Variants in LRCH3 observed in about 807,000 individuals in gnomAD.
LRCH3 encodes DISP complex protein LRCH3.
In LRCH3, 68 loss-of-function variants were observed where a neutral mutation model predicts 104.5. That is an observed-to-expected ratio of 0.65 (90% CI 0.54 to 0.80). LRCH3 has a LOEUF of 0.80. Among genes scored for constraint, LRCH3 ranks in the 30% least tolerant of loss-of-function variants. LRCH3 has a pLI of 0.00. For synonymous variants in LRCH3, 344 were observed against 361.3 expected (o/e 0.95, Z 0.54); for missense variants, 951 against 953.9 (o/e 1.00, Z 0.04).
chr3:197,864,089 TGA>T, intron 15 of LRCH3, among the ~76,000 whole-genome samples: 1 of 152,150 alleles, frequency 6.6e-6, no homozygotes, highest in Admixed American at 6.6e-5. Flanking sequence ...GTGGATCACC[TGA>T]GGGTCGGGAG....
At chr3:197,838,093 T>C (rs911950848) in intron 9 of LRCH3, among the ~76,000 whole-genome samples, 4 of 151,652 alleles carry the variant, frequency 2.6e-5, no homozygotes, top group Non-Finnish European at 5.9e-5. Context: ...AAGCCACTGG[T>C]ACAGCGTCCT....
intron 1 of LRCH3, among the ~76,000 whole-genome samples, chr3:197,805,075 G>A (rs1001468557): frequency 1.3e-5 from 2 of 151,966 alleles, no homozygotes; most frequent in Non-Finnish European, 2.9e-5. Context: ...TGTATTTTTG[G>A]TAGAGCTGGG....
intron 1 of LRCH3, among the ~76,000 whole-genome samples, chr3:197,802,409 C>T (rs1732002374): frequency 6.6e-6 from 1 of 152,026 alleles, no homozygotes; most frequent in Non-Finnish European, 1.5e-5. Context: ...CTAGTGAGGG[C>T]CTTCTTGCTG....
At chr3:197,882,084 C>A in intron 20 of LRCH3, 10 of 985,384 alleles carry the variant, frequency 1.0e-5, no homozygotes, top group Non-Finnish European at 1.2e-5. Context: ...CACAGGCTCT[C>A]ATGTGGTTTA....
intron 10 of LRCH3, among the ~76,000 whole-genome samples, chr3:197,842,526 C>T (rs1737955125): frequency 6.6e-6 from 1 of 152,146 alleles, no homozygotes. Flanking sequence ...ATAAGGAATC[C>T]TCTGCTAGTG....
At chr3:197,851,998 A>C (rs1358043010) in intron 12 of LRCH3, among the ~76,000 whole-genome samples, 12 of 152,216 alleles carry the variant, frequency 7.9e-5, no homozygotes. Flanking sequence ...TCTCATCTCT[A>C]AATGAATATG....
intron 3 of LRCH3, among the ~76,000 whole-genome samples, chr3:197,817,534 A>C (rs1176243899): frequency 6.6e-6 from 1 of 151,376 alleles, no homozygotes; most frequent in Non-Finnish European, 1.5e-5. Context: ...CACAGAATTA[A>C]GAACGGAAAG....
At chr3:197,817,354 G>C in intron 3 of LRCH3, 52 bp downstream of exon 3, 2 of 143,170 alleles carry the variant, frequency 1.4e-5, no homozygotes, top group Non-Finnish European at 1.7e-5. Context: ...GTCTGTGTGT[G>C]TGTGTGTATA....
intron 1 of LRCH3, among the ~76,000 whole-genome samples, chr3:197,805,266 A>T (rs1180109133): frequency 6.6e-6 from 1 of 151,600 alleles, no homozygotes; most frequent in Non-Finnish European, 1.5e-5. Context: ...AAAACATGAC[A>T]TGTTGGACTA....
rs1207708287 is a variant in LRCH3 at position 197,866,752 on chromosome 3, A to G, written c.1873+533A>G. On this transcript the variant is annotated intron_variant, in intron 17 of 20. Coordinates refer to ENST00000425562, the MANE Select transcript of LRCH3 (RefSeq NM_001365715.1). ...GAGGATTGCTTGAGCCCAGGACTTC[A>G]GGGTTACAATGAGTTATAATTAAAA... 2.6e-5 allele frequency among the ~76,000 whole-genome samples: 4 copies of G among 152,220 alleles called. No homozygotes were observed. The East Asian group carries it at 7.7e-4, about 29-fold the overall frequency.
chr3:197,858,532 A>C (rs1482091842), intron 14 of LRCH3, among the ~76,000 whole-genome samples: 1 of 152,136 alleles, frequency 6.6e-6, no homozygotes, highest in Non-Finnish European at 1.5e-5. Context: ...TACTATGCTA[A>C]CAATGTTGAT....
intron 7 of LRCH3, among the ~76,000 whole-genome samples, chr3:197,831,842 A>G (rs1402158382): frequency 6.6e-6 from 1 of 152,080 alleles, no homozygotes; most frequent in Non-Finnish European, 1.5e-5. Context: ...GCTAGTCTCA[A>G]ACTCCTGGGC....
At chr3:197,833,350 T>C (rs1271968498) in intron 8 of LRCH3, among the ~76,000 whole-genome samples, 2 of 105,988 alleles carry the variant, frequency 1.9e-5, no homozygotes, top group Non-Finnish European at 3.5e-5. Context: ...TGAAACCCCA[T>C]CTCTACTAAA....
intron 19 of LRCH3, among the ~76,000 whole-genome samples, chr3:197,872,286 G>A (rs537652693): frequency 1.1e-4 from 16 of 149,568 alleles, no homozygotes; most frequent in Non-Finnish European, 2.1e-4. Context: ...GAGCCCAGGA[G>A]TTCGAGGCTG....
At chr3:197,830,985 T>C in intron 7 of LRCH3, 122 bp downstream of exon 7, 1 of 821,726 alleles carries the variant, frequency 1.2e-6, no homozygotes. Flanking sequence ...AAAGTCAAGG[T>C]GGAGGCAAGA....
At position 197,885,633 on chromosome 3, in the gene LRCH3, C is replaced by G. The variant is rs752127993; in HGVS notation, c.*1967C>G. On this transcript the variant is annotated 3_prime_UTR_variant, in exon 21 of 21. Coordinates refer to ENST00000425562, the MANE Select transcript of LRCH3 (RefSeq NM_001365715.1). ...CTCAAAAAAAGAAAACGCGCCCCAT[C>G]TCGCTCCACCACAAGCGCCTTTATA... The G allele has an allele frequency of 6.6e-6, 1 of 152,224 alleles. No individual in the cohort carries two copies. The highest frequency in any genetic ancestry group is 1.5e-5 in the Non-Finnish European group (1 of 68,086). The allele number at this position is 152,224 out of a possible 1,614,324, so 9.4% of individuals were successfully genotyped here. A position where few individuals can be genotyped will look rare whatever the true frequency, so the allele number is the denominator to read the frequency against.
At chr3:197,825,725 T>C (rs565245683) in intron 4 of LRCH3, among the ~76,000 whole-genome samples, 46 of 151,964 alleles carry the variant, frequency 3.0e-4, no homozygotes, top group Non-Finnish European at 4.6e-4. Flanking sequence ...GTGATCCGCC[T>C]GCCTCGGCCT....
Position 197,839,376 on chromosome 3 carries a change from G to A in LRCH3, c.1307G>A (p.Arg436Lys), listed in dbSNP as rs1370949235. 5 of 1,594,408 alleles carry A rather than the reference G, an allele frequency of 3.1e-6. No homozygotes were observed. Among genetic ancestry groups the A allele is most frequent in the South Asian group, 1.1e-5 (1 of 87,970 alleles). The stretch of plus-strand genomic sequence containing the variant: ...GAGTTTCAAAAAACAGAAGATATGA[G>A]AAGATATTTACATCAAAACAGGTTT... ...IREFQKTEDM[R>K]RYLHQNRVPA... Residue 436 changes from arginine to lysine, a missense_variant, in exon 10 of 21, where the codon AGA becomes AAA. Transcript: ENST00000425562.
intron 5 of LRCH3, among the ~76,000 whole-genome samples, chr3:197,828,638 C>T (rs906931127): frequency 7.9e-5 from 12 of 151,970 alleles, no homozygotes; most frequent in African/African-American, 2.9e-4. Flanking sequence ...AGCCACCGCG[C>T]CCGGCCCCCT....
Sources: gnomAD v4.1 joint callset for allele counts (sites outside exome capture counted in the v4.1 genomes callset) on GRCh38, gnomAD v4.1.1 for gene constraint, MANE v1.5 for transcripts, NCBI Gene and HGNC (gene_info 2026-07-23, HGNC 2026-07-21) for gene names.